PDE4D: variants seen among roughly 807,000 people sequenced by gnomAD.
PDE4D encodes the protein 3',5'-cyclic-AMP phosphodiesterase 4D.
Under a neutral mutation model 87.4 loss-of-function variants are expected in PDE4D, and 24 were observed. The observed-to-expected ratio is 0.27, with a 90% CI of 0.20 to 0.39. The LOEUF (loss-of-function observed/expected upper bound fraction) is 0.39, where lower values mean the gene tolerates loss of function less well. PDE4D is among the 10% of genes least tolerant of loss of function. PDE4D has a pLI of 1.00. For synonymous variants in PDE4D, 384 were observed against 383.2 expected, an observed-to-expected ratio of 1.00 and a Z score of -0.02; for missense variants, 714 against 1,041.0, an observed-to-expected ratio of 0.69 and a Z score of 4.32.
At chr5:59,699,469 G>A (rs1227086861) in intron 1 of PDE4D, among the ~76,000 whole-genome samples, 1 of 152,114 alleles carries the variant, frequency 6.6e-6, no homozygotes, top group Non-Finnish European at 1.5e-5. Context: ...AGCTTTTCCT[G>A]TGGGGGTCTT....
At chr5:60,185,445 A>G (rs1284015929) in intron 2 of PDE4D, 8 of 623,044 alleles carry the variant, frequency 1.3e-5, no homozygotes, top group Non-Finnish European at 2.3e-5. Context: ...AAAGTTGACT[A>G]AACGTTTCCC....
chr5:59,514,921 A>G (rs1047233318), intron 1 of PDE4D, among the ~76,000 whole-genome samples: 4 of 152,240 alleles, frequency 2.6e-5, no homozygotes, highest in African/African-American at 9.6e-5. Flanking sequence ...AATCTGAATC[A>G]TAAAGACAGG....
At chr5:59,792,924 AG>A (rs1384052158) in intron 1 of PDE4D, among the ~76,000 whole-genome samples, 1 of 152,224 alleles carries the variant, frequency 6.6e-6, no homozygotes, top group Non-Finnish European at 1.5e-5. Context: ...AAATGACTGT[AG>A]GCTTCAAGCT....
rs1580001748 is a variant in PDE4D at position 58,972,650 on chromosome 5, A to C, written c.*2014T>G. On this transcript the variant is annotated 3_prime_UTR_variant, in exon 15 of 15. Transcript: ENST00000340635. ...GGCTTCTATCTATCTCAATTCTTGA[A>C]TATCAATGTGAAAAATGATTATTTG... is the stretch of plus-strand genomic sequence containing the variant. 6.6e-6 allele frequency: 1 copy of C among 152,326 alleles called. No homozygotes were observed. The highest frequency in any genetic ancestry group is 2.1e-4 in the South Asian group (1 of 4,832). 9.4% of individuals were successfully genotyped at this position (152,326 alleles called of 1,614,324 possible).
At chr5:60,305,292 G>T (rs1052448033) in intron 1 of PDE4D, among the ~76,000 whole-genome samples, 2 of 151,912 alleles carry the variant, frequency 1.3e-5, no homozygotes, top group African/African-American at 2.4e-5. Flanking sequence ...AAGGGAGAGA[G>T]AATTTTTTTA....
At chr5:60,193,001 T>G (rs1046089492) in intron 1 of PDE4D, among the ~76,000 whole-genome samples, 1 of 152,188 alleles carries the variant, frequency 6.6e-6, no homozygotes, top group Non-Finnish European at 1.5e-5. Context: ...TAGACTTTGT[T>G]TTTGGGAATC....
intron 2 of PDE4D, among the ~76,000 whole-genome samples, chr5:60,056,628 G>A (rs990989972): frequency 3.9e-5 from 6 of 152,134 alleles, no homozygotes; most frequent in African/African-American, 1.4e-4. Context: ...TGATATATTT[G>A]CAAAGGGAAG....
At chr5:59,080,284 C>T (rs1363100944) in intron 5 of PDE4D, among the ~76,000 whole-genome samples, 1 of 152,164 alleles carries the variant, frequency 6.6e-6, no homozygotes, top group East Asian at 1.9e-4. Context: ...GAACGTGACC[C>T]TGGCACTCTG....
intron 1 of PDE4D, among the ~76,000 whole-genome samples, chr5:59,833,807 T>A (rs1182638256): frequency 6.6e-6 from 1 of 152,024 alleles, no homozygotes; most frequent in African/African-American, 2.4e-5. Context: ...AAGCATCACA[T>A]ATAGGTATTC....
chr5:59,925,246 T>C (rs2152782310), intron 3 of PDE4D, among the ~76,000 whole-genome samples: 1 of 150,278 alleles, frequency 6.7e-6, no homozygotes, highest in East Asian at 1.9e-4. Context: ...AAATTATTAC[T>C]TTTCTCTTTC....
intron 1 of PDE4D, among the ~76,000 whole-genome samples, chr5:59,699,803 T>C (rs1752300860): frequency 6.6e-6 from 1 of 152,188 alleles, no homozygotes; most frequent in African/African-American, 2.4e-5. Flanking sequence ...AAAAGGTATT[T>C]ATTTTTTCAA....
chr5:59,423,099 T>A (rs187589696), intron 1 of PDE4D, among the ~76,000 whole-genome samples: 1 of 152,272 alleles, frequency 6.6e-6, no homozygotes, highest in East Asian at 1.9e-4. Context: ...ACTCATCTTC[T>A]CCAGTTTATT....
At chr5:59,231,268 T>C (rs144480734) in intron 1 of PDE4D, among the ~76,000 whole-genome samples, 2 of 152,302 alleles carry the variant, frequency 1.3e-5, no homozygotes, top group African/African-American at 4.8e-5. Flanking sequence ...ACTGTGAGTA[T>C]AGGAAATTCT....
chr5:60,338,122 G>A (rs1036581845), intron 1 of PDE4D, among the ~76,000 whole-genome samples: 3 of 152,054 alleles, frequency 2.0e-5, no homozygotes, highest in Admixed American at 6.6e-5. Context: ...AAAGGCAGAC[G>A]ATCAGCTGCA....
intron 2 of PDE4D, chr5:60,021,278 C>T (rs1039050392): frequency 8.1e-5 from 12 of 147,834 alleles, no homozygotes; most frequent in Admixed American, 3.3e-4. Context: ...CACTCAATGA[C>T]ATGCAACAAG....
At chr5:59,510,842 A>G (rs1224051219) in intron 1 of PDE4D, among the ~76,000 whole-genome samples, 1 of 152,002 alleles carries the variant, frequency 6.6e-6, no homozygotes, top group African/African-American at 2.4e-5. Flanking sequence ...TCCAGCAGAT[A>G]GGCAAGGAGA....
At chr5:59,399,771 A>C (rs1375315882) in intron 1 of PDE4D, among the ~76,000 whole-genome samples, 1 of 113,146 alleles carries the variant, frequency 8.8e-6, no homozygotes, top group Non-Finnish European at 1.9e-5. Context: ...ACAGCAAAAG[A>C]AACTACCATC....
At chr5:59,545,022 A>T (rs1013273370) in intron 1 of PDE4D, among the ~76,000 whole-genome samples, 15 of 152,198 alleles carry the variant, frequency 9.9e-5, no homozygotes, top group Non-Finnish European at 4.4e-5. Context: ...TTAACCTTAC[A>T]GTCTTCTGAG....
intron 1 of PDE4D, among the ~76,000 whole-genome samples, chr5:59,429,809 T>C (rs1795852076): frequency 6.6e-6 from 1 of 152,144 alleles, no homozygotes; most frequent in South Asian, 2.1e-4. Flanking sequence ...AACTTTTTTA[T>C]AGGAAAAATA....
Sources: allele counts gnomAD v4.1 joint callset (sites outside exome capture counted in the v4.1 genomes callset), GRCh38; gene constraint gnomAD v4.1.1; transcripts MANE v1.5; gene names NCBI Gene and HGNC (gene_info 2026-07-23, HGNC 2026-07-21).